Variants in SLC24A3 observed in about 807,000 individuals in gnomAD.
SLC24A3 encodes sodium/potassium/calcium exchanger 3.
A neutral mutation model predicts 75.8 loss-of-function variants in SLC24A3; 28 were observed. That is an observed-to-expected ratio of 0.37 (90% CI 0.27 to 0.51). The LOEUF is 0.51. Ranked by LOEUF, SLC24A3 falls within the 20% of genes least tolerant of loss-of-function variation. The pLI, the probability that SLC24A3 is intolerant of heterozygous loss-of-function variation, is 0.94. For missense variants in SLC24A3, 663 were observed against 847.8 expected (o/e 0.78, Z 2.71); for synonymous variants, 372 against 334.1 (o/e 1.11, Z -1.24).
chr20:19,628,079 C>T (rs6136799), intron 6 of SLC24A3, among the ~76,000 whole-genome samples: 1 of 150,874 alleles, frequency 6.6e-6, no homozygotes, highest in African/African-American at 2.4e-5. Flanking sequence ...TGGGGCACGC[C>T]TATAGTCCCA....
chr20:19,272,454 A>G (rs1294869438), intron 1 of SLC24A3, among the ~76,000 whole-genome samples: 1 of 152,238 alleles, frequency 6.6e-6, no homozygotes, highest in African/African-American at 2.4e-5. Context: ...TGGGCACATG[A>G]GTCACCTTGT....
At chr20:19,373,363 G>A (rs531615334) in intron 2 of SLC24A3, among the ~76,000 whole-genome samples, 38 of 152,328 alleles carry the variant, frequency 2.5e-4, no homozygotes, top group African/African-American at 7.9e-4. Context: ...ATGGTCTGAC[G>A]TCAGGGTGGG....
intron 2 of SLC24A3, among the ~76,000 whole-genome samples, chr20:19,328,020 G>A (rs1371283513): frequency 6.6e-6 from 1 of 152,152 alleles, no homozygotes; most frequent in African/African-American, 2.4e-5. Flanking sequence ...TGACAAGTTG[G>A]GGGGAGTTTG....
intron 2 of SLC24A3, among the ~76,000 whole-genome samples, chr20:19,386,829 G>A (rs1358916665): frequency 2.0e-5 from 3 of 152,008 alleles, no homozygotes; most frequent in Non-Finnish European, 4.4e-5. Context: ...ATTTTATTGA[G>A]GATTTTTGCA....
chr20:19,382,488 G>A (rs901771803), intron 2 of SLC24A3, among the ~76,000 whole-genome samples: 11 of 152,096 alleles, frequency 7.2e-5, no homozygotes, highest in Non-Finnish European at 1.5e-4. Context: ...ACCTAGAGAC[G>A]CTGTTATCTT....
chr20:19,333,176 C>A (rs918973242), intron 2 of SLC24A3, among the ~76,000 whole-genome samples: 1 of 152,238 alleles, frequency 6.6e-6, no homozygotes, highest in African/African-American at 2.4e-5. Flanking sequence ...TATCTGTCAT[C>A]TGTCTGAGGA....
At position 19,415,375 on chromosome 20, in the gene SLC24A3, A is replaced by G. The variant is rs6136717; in HGVS notation, c.272-100113A>G. On this transcript the variant is annotated intron_variant, in intron 2 of 16. Coordinates refer to ENST00000328041, the MANE Select transcript of SLC24A3 (RefSeq NM_020689.4). ...TGCAGTGCACGGTGTGACCTGAATG[A>G]CAGAAGCCACCTCACCAAAGTGAGG... is the stretch of plus-strand genomic sequence containing the variant. Among the ~76,000 whole-genome samples, 4,406 of 152,310 alleles carry G rather than the reference A, an allele frequency of 0.029. 411 individuals carry two copies. In the East Asian group the frequency reaches 0.38, roughly 13 times the overall value.
At chr20:19,259,742 A>T (rs1982924522) in intron 1 of SLC24A3, among the ~76,000 whole-genome samples, 1 of 152,216 alleles carries the variant, frequency 6.6e-6, no homozygotes, top group African/African-American at 2.4e-5. Flanking sequence ...AAAATGTTCA[A>T]CCATACAGAA....
At chr20:19,213,029 G>A in intron 1 of SLC24A3, 45 bp downstream of exon 1, 1 of 1,200,404 alleles carries the variant, frequency 8.3e-7, no homozygotes, top group African/African-American at 1.6e-5. Context: ...CGGCTCCGGC[G>A]GCTCGGGGCT....
At chr20:19,470,032 G>T (rs1468265117) in intron 2 of SLC24A3, among the ~76,000 whole-genome samples, 1 of 152,192 alleles carries the variant, frequency 6.6e-6, no homozygotes, top group Non-Finnish European at 1.5e-5. Flanking sequence ...CCGCCGGCAA[G>T]CTCAGGTCGT....
At chr20:19,222,429 G>A (rs1420749018) in intron 1 of SLC24A3, among the ~76,000 whole-genome samples, 1 of 152,084 alleles carries the variant, frequency 6.6e-6, no homozygotes, top group East Asian at 1.9e-4. Flanking sequence ...TCTCTGTTAT[G>A]CTATCTAACT....
intron 1 of SLC24A3, among the ~76,000 whole-genome samples, chr20:19,222,645 C>G (rs1981748042): frequency 6.6e-6 from 1 of 152,136 alleles, no homozygotes; most frequent in Non-Finnish European, 1.5e-5. Flanking sequence ...ATATTCAGCC[C>G]TCACAACTGT....
At chr20:19,476,666 G>C (rs1987966899) in intron 2 of SLC24A3, among the ~76,000 whole-genome samples, 1 of 152,196 alleles carries the variant, frequency 6.6e-6, no homozygotes, top group African/African-American at 2.4e-5. Context: ...TTGTCGGAGA[G>C]AGTTAGGTGA....
At chr20:19,439,433 C>T (rs1177279244) in intron 2 of SLC24A3, among the ~76,000 whole-genome samples, 1 of 152,152 alleles carries the variant, frequency 6.6e-6, no homozygotes, top group African/African-American at 2.4e-5. Context: ...TGCCCTTCCT[C>T]GCCAAAAAAC....
intron 2 of SLC24A3, among the ~76,000 whole-genome samples, chr20:19,507,706 T>C (rs963536503): frequency 2.6e-5 from 4 of 152,172 alleles, no homozygotes; most frequent in African/African-American, 9.7e-5. Context: ...TCCTCCTAGG[T>C]CTCTGGAACA....
At chr20:19,492,441 C>T (rs949263081) in intron 2 of SLC24A3, among the ~76,000 whole-genome samples, 4 of 152,228 alleles carry the variant, frequency 2.6e-5, no homozygotes, top group Non-Finnish European at 5.9e-5. Context: ...GCATCTGTAG[C>T]CTGGCACCAG....
chr20:19,600,338 G>A (rs1339515311), intron 6 of SLC24A3, among the ~76,000 whole-genome samples: 4 of 152,164 alleles, frequency 2.6e-5, no homozygotes, highest in African/African-American at 9.7e-5. Flanking sequence ...GGCTTCAGGA[G>A]GGCCTCTGAG....
chr20:19,698,462 G>A, intron 14 of SLC24A3, 106 bp from the exon 15 acceptor site: 1 of 693,766 alleles, frequency 1.4e-6, no homozygotes, highest in Non-Finnish European at 2.5e-6. Context: ...GCACATATGT[G>A]AGCTTGCAGA....
intron 2 of SLC24A3, among the ~76,000 whole-genome samples, chr20:19,372,859 C>T (rs535092444): frequency 5.3e-5 from 8 of 151,984 alleles, no homozygotes; most frequent in Non-Finnish European, 1.0e-4. Flanking sequence ...TCTGTGGCGG[C>T]CAGAATTACA....
Sources: gnomAD v4.1 joint callset for allele counts (sites outside exome capture counted in the v4.1 genomes callset) on GRCh38, gnomAD v4.1.1 for gene constraint, MANE v1.5 for transcripts, NCBI Gene and HGNC (gene_info 2026-07-23, HGNC 2026-07-21) for gene names.